The following TMEM51 variants were observed in gnomAD, a reference collection of about 807,000 sequenced individuals.
TMEM51 encodes chromosome 1 open reading frame 72.
In TMEM51, 8 loss-of-function variants were observed where a neutral mutation model predicts 13.6. The ratio of observed to expected loss-of-function variants is 0.59; its 90% CI spans 0.35 to 1.07. TMEM51 has a LOEUF of 1.07. TMEM51 is among the 50% of genes least tolerant of loss of function. TMEM51 has a pLI of 0.02. For missense variants in TMEM51, 279 were observed against 330.7 expected (o/e 0.84, Z 1.21); for synonymous variants, 147 against 144.4 (o/e 1.02, Z -0.13).
chr1:15,207,809 G>A lies in TMEM51; in HGVS notation c.-266-2681G>A, dbSNP rs548629154. 3.9e-5 allele frequency among the ~76,000 whole-genome samples: 6 copies of A among 152,288 alleles called. No individual in the cohort carries two copies. The highest frequency in any genetic ancestry group is 1.9e-4 in the East Asian group (1 of 5,188). On this transcript the variant is annotated intron_variant, in intron 1 of 3. Transcript: ENST00000376008. This position sits in a 1 kb window ranked among gnomAD's most constrained non-coding sequence, Gnocchi z 4.6. The stretch of plus-strand genomic sequence containing the variant: ...TACAGTCACTTTCTCAGGTCACAAC[G>A]GAAATCACATTTATTCTGCATATTT...
chr1:15,169,933 T>G (rs1643180337), intron 1 of TMEM51, among the ~76,000 whole-genome samples: 1 of 152,268 alleles, frequency 6.6e-6, no homozygotes, highest in Non-Finnish European at 1.5e-5. Flanking sequence ...GTCTTCTCTT[T>G]TCTAACCTGT....
chr1:15,171,041 GT>G, intron 1 of TMEM51: 1 of 715,044 alleles, frequency 1.4e-6, no homozygotes, highest in Non-Finnish European at 2.0e-6. Context: ...TTCAGCTTGT[GT>G]TAGAATCCTC....
At chr1:15,169,321 G>A (rs1643149540) in intron 1 of TMEM51, among the ~76,000 whole-genome samples, 3 of 152,112 alleles carry the variant, frequency 2.0e-5, no homozygotes. Flanking sequence ...AGGAACATTT[G>A]TTCCTTGTTG....
intron 1 of TMEM51, among the ~76,000 whole-genome samples, chr1:15,201,666 GGTATAAA>G (rs1209204841): frequency 2.0e-5 from 3 of 152,178 alleles, no homozygotes; most frequent in Non-Finnish European, 4.4e-5. Context: ...AGGAAAGTCA[GGTATAAA>G]GTGGAGATGA....
intron 1 of TMEM51, among the ~76,000 whole-genome samples, chr1:15,198,901 C>T (rs1459181448): frequency 6.6e-6 from 1 of 152,186 alleles, no homozygotes; most frequent in African/African-American, 2.4e-5. Context: ...CTGGTGCATT[C>T]CTCAGGAGGT....
intron 1 of TMEM51, among the ~76,000 whole-genome samples, chr1:15,184,722 A>T (rs1643719353): frequency 6.6e-6 from 1 of 152,178 alleles, no homozygotes; most frequent in Non-Finnish European, 1.5e-5. Flanking sequence ...TGTTAAATAA[A>T]GCCATCCATC....
intron 1 of TMEM51, among the ~76,000 whole-genome samples, chr1:15,170,585 T>G (rs1207501720): frequency 6.6e-6 from 1 of 152,004 alleles, no homozygotes; most frequent in African/African-American, 2.4e-5. Context: ...GCTGGGATTA[T>G]AGGCGTGAGT....
At chr1:15,192,050 G>C (rs994242454) in intron 1 of TMEM51, 13 of 526,610 alleles carry the variant, frequency 2.5e-5, no homozygotes, top group Admixed American at 1.2e-4. Context: ...ATGTTGTCAT[G>C]ATGAGGATTA....
intron 1 of TMEM51, among the ~76,000 whole-genome samples, chr1:15,196,612 G>A: frequency 6.6e-6 from 1 of 152,064 alleles, no homozygotes; most frequent in Non-Finnish European, 1.5e-5. Context: ...CTTGAGCCTC[G>A]CAAAGCACTG....
intron 1 of TMEM51, among the ~76,000 whole-genome samples, chr1:15,172,590 G>A (rs1389443134): frequency 5.3e-5 from 8 of 152,130 alleles, no homozygotes; most frequent in South Asian, 2.1e-4. Context: ...GTTCCACCAC[G>A]TGCCAGCTTT....
chr1:15,158,696 C>T (rs1041515502), intron 1 of TMEM51, among the ~76,000 whole-genome samples: 15 of 152,138 alleles, frequency 9.9e-5, no homozygotes, highest in African/African-American at 4.8e-5. Context: ...CAGGATGGGG[C>T]GGGGTCTCTG....
At chr1:15,188,572 T>C (rs4540653) in intron 1 of TMEM51, among the ~76,000 whole-genome samples, 135,121 of 152,302 alleles carry the variant, frequency 0.89, 60,036 homozygotes, top group East Asian at 0.96. Context: ...GCAACAGGCT[T>C]GGATAGCTTT....
chr1:15,189,601 G>A (rs564506910), intron 1 of TMEM51, among the ~76,000 whole-genome samples: 5 of 152,182 alleles, frequency 3.3e-5, no homozygotes, highest in Admixed American at 2.0e-4. Flanking sequence ...GACACCCACC[G>A]TGGGGCTTGC....
At chr1:15,211,106 T>C (rs1025628521) in intron 2 of TMEM51, among the ~76,000 whole-genome samples, 1 of 152,260 alleles carries the variant, frequency 6.6e-6, no homozygotes, top group Non-Finnish European at 1.5e-5. Flanking sequence ...ATGAAAATCA[T>C]GGTGAATCCC....
At chr1:15,190,604 C>G (rs1004779772) in intron 1 of TMEM51, among the ~76,000 whole-genome samples, 1 of 151,986 alleles carries the variant, frequency 6.6e-6, no homozygotes. Flanking sequence ...TACCCTACCC[C>G]CAAAAGATCT....
At chr1:15,174,735 C>T (rs1028975063) in intron 1 of TMEM51, among the ~76,000 whole-genome samples, 1 of 152,160 alleles carries the variant, frequency 6.6e-6, no homozygotes, top group Non-Finnish European at 1.5e-5. Flanking sequence ...TAAGACCCAG[C>T]AGTGTTCAAT....
intron 1 of TMEM51, among the ~76,000 whole-genome samples, chr1:15,159,620 A>G (rs1255157706): frequency 1.3e-5 from 2 of 152,196 alleles, no homozygotes; most frequent in Non-Finnish European, 2.9e-5. Context: ...GCAGTGGTGC[A>G]ATCTTGGCTC....
intron 1 of TMEM51, among the ~76,000 whole-genome samples, chr1:15,204,169 T>C (rs2100323069): frequency 6.6e-6 from 1 of 152,330 alleles, no homozygotes; most frequent in East Asian, 1.9e-4. Flanking sequence ...CCAGGAACAC[T>C]GACCACAGGC....
intron 1 of TMEM51, chr1:15,191,830 AC>A: frequency 4.2e-6 from 2 of 479,082 alleles, no homozygotes; most frequent in African/African-American, 4.0e-5. Flanking sequence ...TAGTGGCCAA[AC>A]CAGTGCCAGC....
Sources: gnomAD v4.1 joint callset for allele counts (sites outside exome capture counted in the v4.1 genomes callset) on GRCh38, gnomAD v4.1.1 for gene constraint, Gnocchi (gnomAD v3.1) non-coding constraint, MANE v1.5 for transcripts, NCBI Gene and HGNC (gene_info 2026-07-23, HGNC 2026-07-21) for gene names.